Variants in ATAD3B observed in about 807,000 individuals in gnomAD.
ATAD3B encodes ATPase family AAA domain containing 3B, also known as ATPase family AAA domain-containing protein 3B.
Under a neutral mutation model 70.2 loss-of-function variants are expected in ATAD3B, and 59 were observed. The ratio of observed to expected loss-of-function variants is 0.84; its 90% CI spans 0.68 to 1.04. The LOEUF (loss-of-function observed/expected upper bound fraction) is 1.04. Ranked by LOEUF, ATAD3B falls within the 50% of genes least tolerant of loss-of-function variation. ATAD3B has a pLI of 0.00. For missense variants in ATAD3B, 961 were observed against 913.4 expected (o/e 1.05, Z -0.67); for synonymous variants, 423 against 388.6 (o/e 1.09, Z -1.04).
At chr1:1,498,297 C>A (rs573559304), downstream of ATAD3B, among the ~76,000 whole-genome samples, 1 of 151,390 alleles carries the variant, frequency 6.6e-6, no homozygotes, top group Admixed American at 6.6e-5. Flanking sequence ...GAGTGAAACT[C>A]CGTCTCAAAT....
intron 8 of ATAD3B, among the ~76,000 whole-genome samples, 189 bp from the exon 9 acceptor site, chr1:1,485,593 G>A (rs376668530): frequency 3.7e-4 from 56 of 152,186 alleles, no homozygotes; most frequent in African/African-American, 1.3e-3. Context: ...ATAAGGAACC[G>A]GAAAATGCCC....
rs1046357777 is a variant in ATAD3B, at chr1:1,496,383, C to T, written c.*566C>T. ...TCCGAGTTGGGGTCTGAATGCTGCC[C>T]GGGACTGCCGCCTGCGCCCCACCAG... is the stretch of plus-strand genomic sequence containing the variant. On this transcript the variant is annotated 3_prime_UTR_variant, in exon 16 of 16. Coordinates refer to ENST00000673477, the MANE Select transcript of ATAD3B (RefSeq NM_031921.6). 15 of 415,544 alleles carry T rather than the reference C, an allele frequency of 3.6e-5. No individual in the cohort carries two copies. Among genetic ancestry groups the T allele is most frequent in the Admixed American group, 1.3e-4 (2 of 15,550 alleles). 25.7% of individuals were successfully genotyped at this position (415,544 alleles called of 1,614,324 possible).
chr1:1,487,228 C>T (rs1313346089), intron 11 of ATAD3B, among the ~76,000 whole-genome samples: 2 of 152,054 alleles, frequency 1.3e-5, no homozygotes, highest in Non-Finnish European at 2.9e-5. Context: ...TGGTGGCTCA[C>T]GGCTGTAATC....
intron 1 of ATAD3B, among the ~76,000 whole-genome samples, chr1:1,473,742 C>A (rs1639451241): frequency 6.6e-6 from 1 of 152,054 alleles, no homozygotes; most frequent in Non-Finnish European, 1.5e-5. Context: ...GATCCACCCG[C>A]CTCGACCTCC....
the ATAD3B span, chr1:1,503,432 G>A: frequency 1.4e-5 from 10 of 700,616 alleles, no homozygotes; most frequent in African/African-American, 1.6e-4. Context: ...GTCACGCCAG[G>A]TCTGACTAGG....
At chr1:1,487,217 G>C (rs867046390) in intron 11 of ATAD3B, among the ~76,000 whole-genome samples, 3 of 151,908 alleles carry the variant, frequency 2.0e-5, no homozygotes, top group Admixed American at 1.3e-4. Flanking sequence ...TGCGCCAGGC[G>C]TGGTGGCTCA....
chr1:1,509,049 C>CT, the ATAD3B span, among the ~76,000 whole-genome samples: 1 of 151,820 alleles, frequency 6.6e-6, no homozygotes, highest in Non-Finnish European at 1.5e-5. Flanking sequence ...TGTCCACACA[C>CT]GTGCTGGGCT....
chr1:1,494,125 T>C (rs1437004697), intron 15 of ATAD3B, among the ~76,000 whole-genome samples: 1 of 146,842 alleles, frequency 6.8e-6, no homozygotes, highest in African/African-American at 2.5e-5. Context: ...GCCCGGGGCC[T>C]TCCCACATGG....
At chr1:1,486,323 A>G in intron 10 of ATAD3B, 88 bp downstream of exon 10, 1 of 1,605,442 alleles carries the variant, frequency 6.2e-7, no homozygotes, top group Middle Eastern at 2.0e-4. Flanking sequence ...CGCCTGGGGA[A>G]TGGACCCCCC....
chr1:1,475,458 T>A lies in ATAD3B; in HGVS notation c.206-1816T>A, dbSNP rs574118594. On this transcript the variant is annotated intron_variant, in intron 1 of 15. Coordinates refer to ENST00000673477, the MANE Select transcript of ATAD3B (RefSeq NM_031921.6). The stretch of plus-strand genomic sequence containing the variant: ...CCGTGCCCCTTTCCTGGCAGCGGGG[T>A]CGCCGAGATTCGCCCGTTGCTTTGT... Among the ~76,000 whole-genome samples the A allele has an allele frequency of 2.0e-3, 304 of 149,856 alleles. 2 individuals are homozygous for A. Among genetic ancestry groups the A allele is most frequent in the African/African-American group, 7.0e-3 (287 of 40,712 alleles).
rs774024590 is a variant in ATAD3B, at chr1:1,487,920, T to G, written c.1266+6T>G. 1 of 1,612,878 alleles carries G rather than the reference T, an allele frequency of 6.2e-7. No homozygotes were observed. Among genetic ancestry groups the G allele is most frequent in the East Asian group, 2.2e-5 (1 of 44,862 alleles). ...TCCTTCGGAAGCGAGCCACTGTGAGTGTCACTAAGCCTCTGTCTGGCCACA... is the reference window on the plus strand; with the variant it reads ...TCCTTCGGAAGCGAGCCACTGTGAGGGTCACTAAGCCTCTGTCTGGCCACA... On this transcript the variant is annotated splice_donor_region_variant and intron_variant, in intron 12 of 15. Coordinates refer to ENST00000673477, the MANE Select transcript of ATAD3B (RefSeq NM_031921.6).
chr1:1,474,206 T>C (rs1639477273), intron 1 of ATAD3B, among the ~76,000 whole-genome samples: 1 of 151,640 alleles, frequency 6.6e-6, no homozygotes, highest in Admixed American at 6.6e-5. Context: ...TTTTTCTTTT[T>C]TTTTTTGACG....
chr1:1,490,804 A>G, intron 15 of ATAD3B, 133 bp downstream of exon 15: 3 of 1,473,410 alleles, frequency 2.0e-6, no homozygotes, highest in Non-Finnish European at 2.7e-6. Context: ...CACAGACGTG[A>G]CACAGGGCCC....
intron 1 of ATAD3B, among the ~76,000 whole-genome samples, chr1:1,472,340 G>GT (rs1639374817): frequency 6.6e-6 from 1 of 151,946 alleles, no homozygotes; most frequent in Admixed American, 6.6e-5. Flanking sequence ...GCGCTCATAG[G>GT]TTACAGGGGT....
intron 2 of ATAD3B, chr1:1,477,976 T>C (rs1466118047): frequency 6.2e-6 from 1 of 160,850 alleles, no homozygotes; most frequent in African/African-American, 2.4e-5. Flanking sequence ...ACTGCTGGGA[T>C]TACAGGCACG....
Position 1,495,562 on chromosome 1 carries a change from G to A in ATAD3B, c.1692G>A (p.Gln564=). 1.2e-6 allele frequency: 2 copies of A among 1,613,248 alleles called. No individual in the cohort carries two copies. The highest frequency in any genetic ancestry group is 1.3e-5 in the African/African-American group (1 of 75,046). ...CCTGTGTGCAAGATGCTGTCCAGCA[G>A]TACCGACAGAAGATGCGCTGGCTGA... The part of the protein sequence containing the change: ...MDACVQDAVQ[Q]YRQKMRWLKA... Residue 564 remains glutamine (Q), a synonymous_variant, in exon 16 of 16, where the codon CAG becomes CAA. Transcript: ENST00000673477.
In ATAD3B at chr1:1,491,299, G is replaced by C. The variant is rs529660226; in HGVS notation, c.1614+628G>C. The stretch of plus-strand genomic sequence containing the variant: ...GCCTGCAATCCCAGCACTTTGGGAG[G>C]CTGAGGCAGGCATATCACGGGGTCA... On this transcript the variant is annotated intron_variant, in intron 15 of 15. Coordinates refer to ENST00000673477, the MANE Select transcript of ATAD3B (RefSeq NM_031921.6). Among the ~76,000 whole-genome samples the C allele has an allele frequency of 8.3e-4, 127 of 152,144 alleles. 6 individuals carry two copies. The South Asian group carries it at 0.015, about 18-fold the overall frequency.
chr1:1,502,000 T>TC (rs1640954926), downstream of ATAD3B, among the ~76,000 whole-genome samples: 1 of 151,978 alleles, frequency 6.6e-6, no homozygotes, highest in Non-Finnish European at 1.5e-5. Flanking sequence ...TGGCTCAGCC[T>TC]CCCGTGTAGC....
chr1:1,502,373 C>T (rs1640964083), downstream of ATAD3B, among the ~76,000 whole-genome samples: 1 of 150,984 alleles, frequency 6.6e-6, no homozygotes, highest in Non-Finnish European at 1.5e-5. Flanking sequence ...CACCACCGCG[C>T]CTGGCTAATT....
Sources: gnomAD v4.1 joint callset for allele counts (sites outside exome capture counted in the v4.1 genomes callset) on GRCh38, gnomAD v4.1.1 for gene constraint, MANE v1.5 for transcripts, NCBI Gene and HGNC (gene_info 2026-07-23, HGNC 2026-07-21) for gene names.